Variants in ACAD11 observed in about 807,000 individuals in gnomAD.
ACAD11 encodes the protein acyl-CoA dehydrogenase family member 11.
ACAD11 carries 83 observed loss-of-function variants against 102.2 expected under a neutral mutation model. The ratio of observed to expected loss-of-function variants is 0.81; its 90% CI spans 0.68 to 0.97. The LOEUF is 0.97. ACAD11 is among the 50% of genes least tolerant of loss of function. The pLI, the probability that ACAD11 is intolerant of heterozygous loss-of-function variation, is 0.00. For synonymous variants in ACAD11, 324 were observed against 319.8 expected (o/e 1.01, Z -0.14); for missense variants, 901 against 951.7 (o/e 0.95, Z 0.70).
At chr3:132,659,282 G>A (rs1937994476) in intron 1 of ACAD11, among the ~76,000 whole-genome samples, 1 of 152,228 alleles carries the variant, frequency 6.6e-6, no homozygotes, top group African/African-American at 2.4e-5. Flanking sequence ...TATCACAAAA[G>A]AAGGCATCTA....
Position 132,559,080 on chromosome 3 carries a change from G to T in ACAD11, c.2234C>A (p.Ala745Asp). The change falls in exon 20 of 20, where the codon GCT (alanine) becomes GAT (aspartate). Residue 745 changes from alanine (A) to aspartate (D), a missense_variant. Physicochemically the swap from Ala to Asp is moderately radical, Grantham distance 126. Transcript: ENST00000264990. ...TGCTAAACGCAAAACTCGGGTTATA[G>T]CATACCTGAAAAAGCAAAAGAATCA... ...SQDYPLANMY[A>D]ITRVLRLADG... 1 of 1,611,574 alleles carries T rather than the reference G, an allele frequency of 6.2e-7. No homozygotes were observed. Among genetic ancestry groups the T allele is most frequent in the African/African-American group, 1.3e-5 (1 of 75,028 alleles).
intron 13 of ACAD11, among the ~76,000 whole-genome samples, chr3:132,589,348 T>TCTTAC (rs1937979361): frequency 6.6e-6 from 1 of 152,226 alleles, no homozygotes; most frequent in East Asian, 1.9e-4. Flanking sequence ...TCATTGTGGA[T>TCTTAC]CTTACCTAAA....
chr3:132,614,327 T>G (rs935864060), intron 11 of ACAD11, among the ~76,000 whole-genome samples: 1 of 152,186 alleles, frequency 6.6e-6, no homozygotes, highest in Non-Finnish European at 1.5e-5. Context: ...AAAAGTACTT[T>G]AAATTTCATA....
intron 11 of ACAD11, among the ~76,000 whole-genome samples, chr3:132,608,237 T>A (rs1938940593): frequency 6.6e-6 from 1 of 152,134 alleles, no homozygotes; most frequent in African/African-American, 2.4e-5. Context: ...AATAACCAGC[T>A]AGCATCATAA....
intron 11 of ACAD11, among the ~76,000 whole-genome samples, chr3:132,610,166 A>G (rs960531014): frequency 1.1e-4 from 17 of 152,192 alleles, no homozygotes; most frequent in Non-Finnish European, 1.2e-4. Flanking sequence ...CACAGCCAAT[A>G]TCATACTGAA....
At chr3:132,608,460 A>C (rs1412140910) in intron 11 of ACAD11, among the ~76,000 whole-genome samples, 1 of 147,756 alleles carries the variant, frequency 6.8e-6, no homozygotes, top group Non-Finnish European at 1.5e-5. Context: ...GCAAAACAAA[A>C]ACAAACAAAC....
chr3:132,584,249 CG>C (rs1350948674), intron 13 of ACAD11, among the ~76,000 whole-genome samples: 3 of 152,150 alleles, frequency 2.0e-5, no homozygotes, highest in African/African-American at 7.2e-5. Flanking sequence ...GCTCCTATAT[CG>C]GGTGCATATA....
chr3:132,595,082 T>C (rs916223755), intron 13 of ACAD11, among the ~76,000 whole-genome samples: 6 of 152,182 alleles, frequency 3.9e-5, no homozygotes, highest in Non-Finnish European at 8.8e-5. Context: ...TGTTAAGTGC[T>C]ATGGGTCTGG....
At position 132,616,528 on chromosome 3, in the gene ACAD11, G is replaced by C. The variant is rs150757945; in HGVS notation, c.1414+2106C>G. Among the ~76,000 whole-genome samples, 8 of 152,280 alleles carry C rather than the reference G, an allele frequency of 5.3e-5. No individual in the cohort carries two copies. The East Asian group carries it at 1.3e-3, about 26-fold the overall frequency. On this transcript the variant is annotated intron_variant, in intron 11 of 19. Transcript: ENST00000264990. ...CAGTGGAAAATATCCAAATGCACTT[G>C]CATGTAGTAAGAGAAACTCTTGTTT...
chr3:132,559,992 A>C, intron 18 of ACAD11, 50 bp from the exon 19 acceptor site: 2 of 1,412,702 alleles, frequency 1.4e-6, no homozygotes, highest in Non-Finnish European at 2.0e-6. Flanking sequence ...ACTATACACA[A>C]TGTGGCAAAA....
chr3:132,657,838 A>T (rs1314105527), intron 1 of ACAD11, among the ~76,000 whole-genome samples: 1 of 149,876 alleles, frequency 6.7e-6, no homozygotes, highest in Non-Finnish European at 1.5e-5. Flanking sequence ...CTTCTGTTAA[A>T]CTTTTGGTAT....
At chr3:132,646,648 C>T (rs1253812791) in intron 1 of ACAD11, 4 of 152,202 alleles carry the variant, frequency 2.6e-5, no homozygotes, top group African/African-American at 9.7e-5. Flanking sequence ...CATGAATGTT[C>T]ACAGCAGTAC....
chr3:132,600,750 T>C (rs768020189), intron 13 of ACAD11: 2 of 1,614,028 alleles, frequency 1.2e-6, no homozygotes, highest in Admixed American at 1.7e-5. Context: ...ACTTCAGCCT[T>C]GTACACACTA....
At chr3:132,583,390 G>A (rs188992442) in intron 13 of ACAD11, among the ~76,000 whole-genome samples, 26 of 151,886 alleles carry the variant, frequency 1.7e-4, no homozygotes, top group African/African-American at 6.0e-4. Context: ...TGGGATCGGT[G>A]GTGATATCCC....
intron 13 of ACAD11, among the ~76,000 whole-genome samples, chr3:132,584,480 T>C (rs1001509521): frequency 6.6e-6 from 1 of 152,188 alleles, no homozygotes; most frequent in Admixed American, 6.5e-5. Flanking sequence ...GTTTCCTGAA[T>C]ACAGTACACT....
chr3:132,651,821 T>C (rs1415267274), intron 1 of ACAD11, among the ~76,000 whole-genome samples: 1 of 152,192 alleles, frequency 6.6e-6, no homozygotes, highest in Non-Finnish European at 1.5e-5. Context: ...ACAATTTCTC[T>C]CATTTGGAAC....
At chr3:132,605,052 CCGGGACGA>C (rs1938780583) in intron 12 of ACAD11, 38 bp downstream of exon 12, 2 of 1,460,960 alleles carry the variant, frequency 1.4e-6, no homozygotes, top group Admixed American at 1.7e-5. Context: ...CATAATAACT[CCGGGACGA>C]CTGACTACAC....
At chr3:132,643,170 T>C (rs983428025) in intron 2 of ACAD11, among the ~76,000 whole-genome samples, 4 of 152,078 alleles carry the variant, frequency 2.6e-5, no homozygotes, top group Non-Finnish European at 5.9e-5. Context: ...CTTTCATGTC[T>C]TCCAAGGAAG....
At chr3:132,573,550 C>G (rs139218445) in intron 17 of ACAD11, among the ~76,000 whole-genome samples, 1 of 152,094 alleles carries the variant, frequency 6.6e-6, no homozygotes, top group African/African-American at 2.4e-5. Flanking sequence ...TAGTATATTT[C>G]TTTTGGATGG....
Sources: allele counts gnomAD v4.1 joint callset (sites outside exome capture counted in the v4.1 genomes callset), GRCh38; gene constraint gnomAD v4.1.1; transcripts MANE v1.5; gene names NCBI Gene and HGNC (gene_info 2026-07-23, HGNC 2026-07-21).